Variants in SATB2 observed in about 807,000 individuals in gnomAD.
SATB2 encodes the protein DNA-binding protein SATB2.
SATB2 carries 1 observed loss-of-function variant against 73.4 expected under a neutral mutation model. The ratio of observed to expected loss-of-function variants is 0.01; its 90% CI spans 0.00 to 0.06. The LOEUF is 0.06. SATB2 is among the 10% of genes least tolerant of loss of function. The probability of loss-of-function intolerance (pLI) is 1.00; values close to 1 mark genes in which losing one functional copy is unlikely to be tolerated. For missense variants in SATB2, 459 were observed against 945.8 expected (o/e 0.49, Z 6.75); for synonymous variants, 397 against 367.0 (o/e 1.08, Z -0.93).
At chr2:199,383,621 G>T (rs556415739) in intron 3 of SATB2, among the ~76,000 whole-genome samples, 24 of 152,236 alleles carry the variant, frequency 1.6e-4, no homozygotes, top group African/African-American at 4.8e-4. Flanking sequence ...TGTGCACTAT[G>T]ATAGGCAAGT....
At chr2:199,293,028 G>A (rs1227943862) in intron 10 of SATB2, among the ~76,000 whole-genome samples, 1 of 152,012 alleles carries the variant, frequency 6.6e-6, no homozygotes, top group Non-Finnish European at 1.5e-5. Flanking sequence ...AAGCCTTAGG[G>A]GAATTAATCT....
chr2:199,421,790 A>C (rs1310782025), intron 3 of SATB2, among the ~76,000 whole-genome samples: 1 of 152,226 alleles, frequency 6.6e-6, no homozygotes, highest in African/African-American at 2.4e-5. Context: ...ACTCCTTACC[A>C]CAGACAAAGG....
At chr2:199,362,017 G>C (rs545423370) in intron 6 of SATB2, among the ~76,000 whole-genome samples, 1 of 137,238 alleles carries the variant, frequency 7.3e-6, no homozygotes, top group Non-Finnish European at 1.6e-5. Flanking sequence ...GATTACAGGC[G>C]TGAGCCACCG....
intron 2 of SATB2, among the ~76,000 whole-genome samples, chr2:199,447,393 G>A (rs1176818493): frequency 1.3e-5 from 2 of 152,118 alleles, no homozygotes; most frequent in Non-Finnish European, 1.5e-5. Context: ...AGGTTACCCC[G>A]GTGTGTGCTG....
chr2:199,441,647 C>T (rs1322818417), intron 2 of SATB2, among the ~76,000 whole-genome samples: 2 of 152,110 alleles, frequency 1.3e-5, no homozygotes, highest in Admixed American at 6.5e-5. Flanking sequence ...CGCTAGTCCT[C>T]GCTCACTGAC....
chr2:199,456,110 G>C lies in SATB2; in HGVS notation c.-59-14C>G, dbSNP rs1286813684. 1 of 1,179,120 alleles carries C rather than the reference G, an allele frequency of 8.5e-7. No individual in the cohort carries two copies. Among genetic ancestry groups the C allele is most frequent in the Admixed American group, 2.0e-5 (1 of 49,794 alleles). 73.0% of individuals were successfully genotyped at this position (1,179,120 alleles called of 1,614,324 possible). ...ACGCACAGGGACCTAGGGAGGGGGT[G>C]GGGGGAGGAAGGGGGAGGGAGAAAA... On this transcript the variant is annotated splice_polypyrimidine_tract_variant and intron_variant, in intron 1 of 10. Coordinates refer to ENST00000417098, the MANE Select transcript of SATB2 (RefSeq NM_001172509.2).
At chr2:199,274,500 A>T (rs1307671791) in intron 10 of SATB2, among the ~76,000 whole-genome samples, 1 of 152,242 alleles carries the variant, frequency 6.6e-6, no homozygotes, top group Non-Finnish European at 1.5e-5. Context: ...TAAATAAGGT[A>T]GCAATAAACA....
chr2:199,341,385 C>T (rs1688502013), intron 7 of SATB2, among the ~76,000 whole-genome samples: 1 of 152,206 alleles, frequency 6.6e-6, no homozygotes, highest in Non-Finnish European at 1.5e-5. Context: ...AGGAGTAGGG[C>T]CGAGAGGCAA....
intron 3 of SATB2, among the ~76,000 whole-genome samples, chr2:199,407,980 T>G (rs1198085999): frequency 6.6e-6 from 1 of 152,214 alleles, no homozygotes; most frequent in Admixed American, 6.5e-5. Context: ...CAAACCATGA[T>G]CCTGTCCTTT....
At chr2:199,426,893 A>G (rs1691352771) in intron 3 of SATB2, among the ~76,000 whole-genome samples, 2 of 152,084 alleles carry the variant, frequency 1.3e-5, no homozygotes, top group South Asian at 2.1e-4. Flanking sequence ...TTAGAGACAG[A>G]GTCTTTCTCT....
chr2:199,395,454 ATTTC>A (rs1245401708), intron 3 of SATB2, among the ~76,000 whole-genome samples: 1 of 152,142 alleles, frequency 6.6e-6, no homozygotes, highest in Non-Finnish European at 1.5e-5. Flanking sequence ...GCCCATGAAC[ATTTC>A]TTTATCAGTT....
intron 3 of SATB2, among the ~76,000 whole-genome samples, chr2:199,388,080 T>C (rs1361183413): frequency 6.6e-6 from 1 of 152,206 alleles, no homozygotes; most frequent in Non-Finnish European, 1.5e-5. Context: ...ATACACATTA[T>C]AGTCGATCAA....
intron 6 of SATB2, among the ~76,000 whole-genome samples, chr2:199,353,003 A>G (rs193087844): frequency 1.3e-5 from 2 of 152,218 alleles, no homozygotes; most frequent in South Asian, 2.1e-4. Flanking sequence ...GTAAAAGCCA[A>G]GTTCTTTACT....
intron 6 of SATB2, among the ~76,000 whole-genome samples, chr2:199,353,650 C>T (rs934103460): frequency 5.9e-5 from 9 of 151,970 alleles, no homozygotes; most frequent in African/African-American, 1.5e-4. Context: ...CTCTTTCTTT[C>T]TTTCCTCTCT....
At chr2:199,345,124 G>GTGC (rs1272748440) in intron 7 of SATB2, among the ~76,000 whole-genome samples, 1 of 151,830 alleles carries the variant, frequency 6.6e-6, no homozygotes, top group Non-Finnish European at 1.5e-5. Context: ...CCTGGGGCTG[G>GTGC]TGCTGCTGCT....
chr2:199,436,742 A>G (rs1227909285), intron 2 of SATB2, among the ~76,000 whole-genome samples: 1 of 152,108 alleles, frequency 6.6e-6, no homozygotes, highest in Non-Finnish European at 1.5e-5. Flanking sequence ...GGTCAAGTGT[A>G]GAAAGAAGAA....
In SATB2 at chr2:199,386,057, C is replaced by A. The variant is rs569571644; in HGVS notation, c.347-4237G>T. 2.6e-5 allele frequency among the ~76,000 whole-genome samples: 4 copies of A among 152,070 alleles called. No homozygotes were observed. The South Asian group carries it at 6.2e-4, about 24-fold the overall frequency. On this transcript the variant is annotated intron_variant, in intron 3 of 10. Coordinates refer to ENST00000417098, the MANE Select transcript of SATB2 (RefSeq NM_001172509.2). The stretch of plus-strand genomic sequence containing the variant: ...AGATCCTTGTAAGTTTCTTAGTGTA[C>A]ACATAACAACAATAAAGCAAAACTT...
At chr2:199,299,807 C>G (rs1390807009) in intron 10 of SATB2, among the ~76,000 whole-genome samples, 1 of 152,070 alleles carries the variant, frequency 6.6e-6, no homozygotes, top group Admixed American at 6.6e-5. Context: ...GAAATTTAAT[C>G]ATTTTTTTCC....
chr2:199,326,884 A>G (rs2105792759), intron 8 of SATB2, among the ~76,000 whole-genome samples: 2 of 152,300 alleles, frequency 1.3e-5, no homozygotes, highest in South Asian at 4.1e-4. Context: ...ACTGAAGTGT[A>G]AGTAACACAA....
Sources: allele counts gnomAD v4.1 joint callset (sites outside exome capture counted in the v4.1 genomes callset), GRCh38; gene constraint gnomAD v4.1.1; transcripts MANE v1.5; gene names NCBI Gene and HGNC (gene_info 2026-07-23, HGNC 2026-07-21).